The following SLC24A3 variants were observed in gnomAD, a reference collection of about 807,000 sequenced individuals.
SLC24A3 encodes sodium/potassium/calcium exchanger 3.
In SLC24A3, 28 loss-of-function variants were observed where a neutral mutation model predicts 75.8. The ratio of observed to expected loss-of-function variants is 0.37; its 90% CI spans 0.27 to 0.51. SLC24A3 has a LOEUF of 0.51. SLC24A3 is among the 20% of genes least tolerant of loss of function. The pLI, the probability that SLC24A3 is intolerant of heterozygous loss-of-function variation, is 0.94. For missense variants in SLC24A3, 663 were observed against 847.8 expected, an observed-to-expected ratio of 0.78 and a Z score of 2.71; for synonymous variants, 372 against 334.1, an observed-to-expected ratio of 1.11 and a Z score of -1.24.
chr20:19,639,452 G>A (rs1212305035), intron 6 of SLC24A3, among the ~76,000 whole-genome samples: 4 of 152,224 alleles, frequency 2.6e-5, no homozygotes, highest in Non-Finnish European at 4.4e-5. Flanking sequence ...GCTGATTGGT[G>A]TATTTACAAA....
intron 2 of SLC24A3, among the ~76,000 whole-genome samples, chr20:19,285,499 A>AAAAG (rs1322613767): frequency 6.7e-6 from 1 of 149,650 alleles, no homozygotes; most frequent in Non-Finnish European, 1.5e-5. Context: ...AAAAAAAAAA[A>AAAAG]AAAGGCATTT....
At chr20:19,602,160 G>A (rs2031535595) in intron 6 of SLC24A3, among the ~76,000 whole-genome samples, 1 of 152,156 alleles carries the variant, frequency 6.6e-6, no homozygotes, top group Non-Finnish European at 1.5e-5. Context: ...GGCGACAAGA[G>A]CAAAACTGTG....
chr20:19,648,550 T>A (rs1046021918), intron 6 of SLC24A3, among the ~76,000 whole-genome samples: 6 of 151,912 alleles, frequency 3.9e-5, no homozygotes, highest in African/African-American at 1.5e-4. Flanking sequence ...AGAAAAGTTA[T>A]CATAAATATT....
At chr20:19,318,184 A>C (rs1984627070) in intron 2 of SLC24A3, among the ~76,000 whole-genome samples, 1 of 152,132 alleles carries the variant, frequency 6.6e-6, no homozygotes, top group Non-Finnish European at 1.5e-5. Context: ...ATTATGCTCC[A>C]CTTGCCCACA....
At chr20:19,384,581 T>TC (rs1986239593) in intron 2 of SLC24A3, among the ~76,000 whole-genome samples, 1 of 152,216 alleles carries the variant, frequency 6.6e-6, no homozygotes, top group Non-Finnish European at 1.5e-5. Context: ...CATCTGTAGG[T>TC]AGATGGACAC....
chr20:19,305,758 C>A (rs1318092155), intron 2 of SLC24A3, among the ~76,000 whole-genome samples: 1 of 152,078 alleles, frequency 6.6e-6, no homozygotes, highest in Non-Finnish European at 1.5e-5. Flanking sequence ...TTAACCAAGA[C>A]CTCAAACAAT....
chr20:19,275,091 T>C (rs1179608459), intron 1 of SLC24A3, among the ~76,000 whole-genome samples: 4 of 152,204 alleles, frequency 2.6e-5, no homozygotes, highest in African/African-American at 9.6e-5. Flanking sequence ...GCCAGATGGT[T>C]CTCTGCATCC....
At chr20:19,637,110 C>G (rs2032011394) in intron 6 of SLC24A3, among the ~76,000 whole-genome samples, 1 of 151,786 alleles carries the variant, frequency 6.6e-6, no homozygotes, top group Non-Finnish European at 1.5e-5. Context: ...ATCCGCCTGG[C>G]CAACATGGCA....
At chr20:19,402,202 G>A (rs1263429405) in intron 2 of SLC24A3, among the ~76,000 whole-genome samples, 1 of 152,130 alleles carries the variant, frequency 6.6e-6, no homozygotes, top group Non-Finnish European at 1.5e-5. Context: ...AAGCCTGGGA[G>A]GAAATGATCA....
intron 2 of SLC24A3, chr20:19,284,601 GCTGT>G (rs984013612): frequency 6.6e-6 from 1 of 152,292 alleles, no homozygotes; most frequent in African/African-American, 2.4e-5. Context: ...GTGTGTCCTG[GCTGT>G]CTGAGTTATG....
At chr20:19,237,051 A>G (rs1395246640) in intron 1 of SLC24A3, among the ~76,000 whole-genome samples, 1 of 152,224 alleles carries the variant, frequency 6.6e-6, no homozygotes, top group Non-Finnish European at 1.5e-5. Flanking sequence ...ATTATTTAGC[A>G]CTTGGCCTGA....
chr20:19,647,124 G>A (rs2032149689), intron 6 of SLC24A3, among the ~76,000 whole-genome samples: 1 of 152,034 alleles, frequency 6.6e-6, no homozygotes, highest in Non-Finnish European at 1.5e-5. Context: ...CGATGGAAGT[G>A]GGTGGATTAA....
At chr20:19,292,860 G>T (rs1983974387) in intron 2 of SLC24A3, among the ~76,000 whole-genome samples, 1 of 152,206 alleles carries the variant, frequency 6.6e-6, no homozygotes, top group Non-Finnish European at 1.5e-5. Flanking sequence ...TGTCTGGTGA[G>T]GACCTGTTTC....
intron 2 of SLC24A3, among the ~76,000 whole-genome samples, chr20:19,457,862 C>T (rs1221924640): frequency 1.3e-5 from 2 of 152,126 alleles, no homozygotes; most frequent in African/African-American, 2.4e-5. Flanking sequence ...TTACCTTCAG[C>T]CTGTGGTAAT....
At position 19,512,447 on chromosome 20, in the gene SLC24A3, G is replaced by A. The variant is rs574330026; in HGVS notation, c.272-3041G>A. Reference sequence around the variant, plus strand: ...TGTCTTCCCCAGGGGTCCCAGCTGGGGCCACCATGTGGGCTGGCATGGAGA... The same window carrying A: ...TGTCTTCCCCAGGGGTCCCAGCTGGAGCCACCATGTGGGCTGGCATGGAGA... On this transcript the variant is annotated intron_variant, in intron 2 of 16. Transcript: ENST00000328041. Among the ~76,000 whole-genome samples, 31 of 152,312 alleles carry A rather than the reference G, an allele frequency of 2.0e-4. No homozygotes were observed. The South Asian group carries it at 6.0e-3, about 30-fold the overall frequency.
At chr20:19,278,472 C>T (rs1036790233) in intron 1 of SLC24A3, among the ~76,000 whole-genome samples, 5 of 152,186 alleles carry the variant, frequency 3.3e-5, no homozygotes, top group Non-Finnish European at 7.3e-5. Context: ...AGGGGATGCC[C>T]TTCTCCACAC....
chr20:19,362,987 A>G (rs546411878), intron 2 of SLC24A3, among the ~76,000 whole-genome samples: 3 of 152,360 alleles, frequency 2.0e-5, no homozygotes, highest in South Asian at 2.1e-4. Context: ...TGGGCTTCCC[A>G]TGTGTCGCTG....
At position 19,564,440 on chromosome 20, in the gene SLC24A3, C is replaced by T. The variant is rs188344423; in HGVS notation, c.349-15560C>T. 2.2e-3 allele frequency among the ~76,000 whole-genome samples: 330 copies of T among 152,224 alleles called. 1 individual carries two copies. The highest frequency in any genetic ancestry group is 7.5e-3 in the African/African-American group (310 of 41,548). ...ACCATCTCCTCCTCATCACCATTAC[C>T]GTGATCAACTTCATCATCCTTGTCT... On this transcript the variant is annotated intron_variant, in intron 3 of 16. Coordinates refer to ENST00000328041, the MANE Select transcript of SLC24A3 (RefSeq NM_020689.4).
chr20:19,620,333 G>A (rs1047986932), intron 6 of SLC24A3, among the ~76,000 whole-genome samples: 1 of 152,186 alleles, frequency 6.6e-6, no homozygotes, highest in East Asian at 1.9e-4. Context: ...TTTTGGGGGG[G>A]AAAGCTTGAA....
Sources: allele counts gnomAD v4.1 joint callset (sites outside exome capture counted in the v4.1 genomes callset), GRCh38; gene constraint gnomAD v4.1.1; transcripts MANE v1.5; gene names NCBI Gene and HGNC (gene_info 2026-07-23, HGNC 2026-07-21).